Variants in MGST1 observed in about 807,000 individuals in gnomAD.
MGST1 encodes the protein microsomal glutathione S-transferase 1, also known as glutathione S-transferase 12.
A neutral mutation model predicts 8.9 loss-of-function variants in MGST1; 5 were observed. That is an observed-to-expected ratio of 0.56 (90% CI 0.29 to 1.19). MGST1 has a LOEUF of 1.19. Ranked by LOEUF, MGST1 falls within the 50% of genes most tolerant of loss-of-function variation. The pLI is 0.08. For missense variants in MGST1, 182 were observed against 187.4 expected, an observed-to-expected ratio of 0.97 and a Z score of 0.17; for synonymous variants, 54 against 67.8, an observed-to-expected ratio of 0.80 and a Z score of 1.00.
intron 3 of MGST1, among the ~76,000 whole-genome samples, chr12:16,358,899 T>A (rs1939861670): frequency 6.6e-6 from 1 of 151,048 alleles, no homozygotes; most frequent in South Asian, 2.1e-4. Flanking sequence ...AGCCCTTTTT[T>A]GATTCTCTGT....
intron 4 of MGST1, among the ~76,000 whole-genome samples, chr12:16,487,191 C>G (rs1941404515): frequency 6.6e-6 from 1 of 152,174 alleles, no homozygotes; most frequent in East Asian, 1.9e-4. Context: ...ATTTGTGTGT[C>G]CTCTCTAGAC....
intron 4 of MGST1, among the ~76,000 whole-genome samples, chr12:16,509,240 A>G (rs944811896): frequency 6.6e-6 from 1 of 152,170 alleles, no homozygotes; most frequent in Non-Finnish European, 1.5e-5. Context: ...GTTAATTATT[A>G]TGACCCTGCC....
intron 1 of MGST1, chr12:16,402,363 T>C: frequency 1.2e-6 from 2 of 1,603,578 alleles, no homozygotes. Flanking sequence ...TTCTGCCAAT[T>C]GCTGTACAGT....
chr12:16,364,226 T>C lies in MGST1; in HGVS notation c.*185T>C. 7.8e-7 allele frequency: 1 copy of C among 1,283,666 alleles called. No individual in the cohort carries two copies. Among genetic ancestry groups the C allele is most frequent in the South Asian group, 2.9e-5 (1 of 34,004 alleles). The allele number at this position is 1,283,666 out of a possible 1,614,324, so 79.5% of individuals were successfully genotyped here. A position where few individuals can be genotyped will look rare whatever the true frequency, so the allele number is the denominator to read the frequency against. ...TTGTTTTACATTTGGATTAGAAATT[T>C]AACATAGTAATTCTTAAGTCTTTTG... is the stretch of plus-strand genomic sequence containing the variant. On this transcript the variant is annotated 3_prime_UTR_variant, in exon 4 of 4. Coordinates refer to ENST00000396210, the MANE Select transcript of MGST1 (RefSeq NM_020300.5). The surrounding 1 kb of genome is among the most constrained non-coding windows in gnomAD (Gnocchi z 5.7).
downstream of MGST1, among the ~76,000 whole-genome samples, chr12:16,377,442 C>T (rs1940400151): frequency 6.6e-6 from 1 of 151,774 alleles, no homozygotes; most frequent in South Asian, 2.1e-4. Flanking sequence ...TGATGGTTTC[C>T]AGTTTCATCC....
chr12:16,504,440 T>C lies in MGST1; in HGVS notation n.483-85088T>C, dbSNP rs1320076204. Among the ~76,000 whole-genome samples, 3 of 152,102 alleles carry C rather than the reference T, an allele frequency of 2.0e-5. No individual in the cohort carries two copies. The East Asian group carries it at 5.8e-4, about 29-fold the overall frequency. On this transcript the variant is annotated intron_variant and non_coding_transcript_variant, in intron 4 of 4. Transcript: ENST00000538857. ...TTTCAGTTTTCTGATATAAATTGCC[T>C]TTAGGGGGGACTTTTTTCCTTTTCT...
chr12:16,587,618 T>A lies in MGST1; in HGVS notation n.483-1910T>A, dbSNP rs902547257. Among the ~76,000 whole-genome samples, 1 of 152,112 alleles carries A rather than the reference T, an allele frequency of 6.6e-6. No individual in the cohort carries two copies. The highest frequency in any genetic ancestry group is 6.6e-5 in the Admixed American group (1 of 15,256). On this transcript the variant is annotated intron_variant and non_coding_transcript_variant, in intron 4 of 4. Coordinates refer to the MGST1 transcript ENST00000538857. The surrounding 1 kb of genome is among the most constrained non-coding windows in gnomAD (Gnocchi z 4.3). ...AATTGTATTTCTGTCAGTGTATCATTTTTTTAAGCAATGGACCCTATAATA... is the reference window on the plus strand; with the variant it reads ...AATTGTATTTCTGTCAGTGTATCATATTTTTAAGCAATGGACCCTATAATA...
At chr12:16,452,764 A>G (rs1466381106) in intron 4 of MGST1, among the ~76,000 whole-genome samples, 1 of 151,856 alleles carries the variant, frequency 6.6e-6, no homozygotes, top group Non-Finnish European at 1.5e-5. Context: ...TTCTGAAGAT[A>G]TTTTCCAAAC....
At chr12:16,484,786 A>C (rs758760064) in intron 4 of MGST1, among the ~76,000 whole-genome samples, 4 of 151,000 alleles carry the variant, frequency 2.6e-5, no homozygotes, top group Non-Finnish European at 5.9e-5. Context: ...AACACTGGGG[A>C]TTACAATGTG....
At chr12:16,495,143 C>T (rs1041156603) in intron 4 of MGST1, among the ~76,000 whole-genome samples, 10 of 152,082 alleles carry the variant, frequency 6.6e-5, no homozygotes, top group African/African-American at 1.9e-4. Context: ...TAACAAACCT[C>T]CATTCATCTT....
intron 4 of MGST1, among the ~76,000 whole-genome samples, chr12:16,450,630 C>T (rs1477747711): frequency 1.3e-5 from 2 of 151,968 alleles, no homozygotes; most frequent in African/African-American, 4.8e-5. Flanking sequence ...AAACCAGTCA[C>T]ACTCCCACCT....
chr12:16,518,011 G>A lies in MGST1; in HGVS notation n.483-71517G>A, dbSNP rs536834399. 2.0e-5 allele frequency among the ~76,000 whole-genome samples: 3 copies of A among 152,284 alleles called. 1 individual carries two copies. The South Asian group carries it at 6.2e-4, about 32-fold the overall frequency. On this transcript the variant is annotated intron_variant and non_coding_transcript_variant, in intron 4 of 4. Transcript: ENST00000538857. ...CCAAAGTGATGGTGGTCACACTGAG[G>A]TCTTCAACATGGAAGAATGTCAGTA... is the stretch of plus-strand genomic sequence containing the variant.
At position 16,530,320 on chromosome 12, in the gene MGST1, A is replaced by C. The variant is rs149519647; in HGVS notation, n.483-59208A>C. ...AGTATTTAAGGGTCTTTGTTTTTTT[A>C]AAATGTCAAGCTTTTGTTTTATATT... is the stretch of plus-strand genomic sequence containing the variant. On this transcript the variant is annotated intron_variant and non_coding_transcript_variant, in intron 4 of 4. Coordinates refer to the MGST1 transcript ENST00000538857. 4.7e-3 allele frequency among the ~76,000 whole-genome samples: 720 copies of C among 152,158 alleles called. 9 individuals are homozygous for C. Among genetic ancestry groups the C allele is most frequent in the African/African-American group, 0.016 (683 of 41,508 alleles).
chr12:16,380,459 A>G (rs1940439008), downstream of MGST1, among the ~76,000 whole-genome samples: 1 of 152,124 alleles, frequency 6.6e-6, no homozygotes, highest in Admixed American at 6.5e-5. Flanking sequence ...GTTTTGAGTG[A>G]GTTTTTTTAA....
At chr12:16,479,472 G>T (rs1941349869) in intron 4 of MGST1, among the ~76,000 whole-genome samples, 1 of 150,494 alleles carries the variant, frequency 6.6e-6, no homozygotes, top group Non-Finnish European at 1.5e-5. Flanking sequence ...CTGACCTCAT[G>T]ATCTGCCCAT....
chr12:16,379,621 G>A (rs1010018217), downstream of MGST1, among the ~76,000 whole-genome samples: 3 of 152,112 alleles, frequency 2.0e-5, no homozygotes, highest in African/African-American at 7.2e-5. Context: ...TTTTGGTTGT[G>A]TCTCTGCCTG....
intron 1 of MGST1, among the ~76,000 whole-genome samples, chr12:16,430,005 C>G (rs1470621909): frequency 6.6e-6 from 1 of 152,168 alleles, no homozygotes; most frequent in Non-Finnish European, 1.5e-5. Context: ...CCTTTTGCTG[C>G]TTTATCAACA....
intron 4 of MGST1, among the ~76,000 whole-genome samples, chr12:16,562,078 TA>T (rs1942427452): frequency 6.6e-6 from 1 of 152,192 alleles, no homozygotes; most frequent in Non-Finnish European, 1.5e-5. Context: ...AATATTTATT[TA>T]AAAAGAAAGA....
At chr12:16,468,171 G>A (rs549972235) in intron 4 of MGST1, among the ~76,000 whole-genome samples, 1 of 152,144 alleles carries the variant, frequency 6.6e-6, no homozygotes. Context: ...AGAGAATGCA[G>A]TTGATTGATT....
Sources: gnomAD v4.1 joint callset for allele counts (sites outside exome capture counted in the v4.1 genomes callset) on GRCh38, gnomAD v4.1.1 for gene constraint, Gnocchi (gnomAD v3.1) non-coding constraint, MANE v1.5 for transcripts, NCBI Gene and HGNC (gene_info 2026-07-23, HGNC 2026-07-21) for gene names.